Variants in BCL2L13 observed in about 807,000 individuals in gnomAD.
BCL2L13 encodes the protein BCL2 like 13.
BCL2L13 carries 13 observed loss-of-function variants against 25.8 expected under a neutral mutation model. The ratio of observed to expected loss-of-function variants is 0.50; its 90% confidence interval spans 0.33 to 0.80. BCL2L13 has a LOEUF of 0.80. Ranked by LOEUF, BCL2L13 falls within the 30% of genes least tolerant of loss-of-function variation. The pLI is 0.02. For missense variants in BCL2L13, 504 were observed against 574.9 expected (o/e 0.88, Z 1.26); for synonymous variants, 244 against 230.3 (o/e 1.06, Z -0.54).
At chr22:17,632,520 C>T (rs1057092152) in intron 1 of BCL2L13, among the ~76,000 whole-genome samples, 2 of 151,966 alleles carry the variant, frequency 1.3e-5, no homozygotes, top group African/African-American at 2.4e-5. Context: ...ACTATTCTAC[C>T]CTCTAGCATC....
chr22:17,636,537 C>G (rs2058109757), upstream of BCL2L13, among the ~76,000 whole-genome samples: 1 of 152,022 alleles, frequency 6.6e-6, no homozygotes, highest in South Asian at 2.1e-4. Context: ...CGACTGTAAT[C>G]CCAGCACTTT....
intron 2 of BCL2L13, among the ~76,000 whole-genome samples, chr22:17,678,783 A>T (rs1266752320): frequency 6.6e-6 from 1 of 152,194 alleles, no homozygotes; most frequent in Non-Finnish European, 1.5e-5. Flanking sequence ...TGCTGCGTAG[A>T]TGCTTCAGGA....
At chr22:17,666,491 A>AC (rs563204686) in intron 2 of BCL2L13, among the ~76,000 whole-genome samples, 215 of 151,682 alleles carry the variant, frequency 1.4e-3, no homozygotes, top group African/African-American at 5.1e-3. Flanking sequence ...CTGTCCCCAG[A>AC]CCCCCATTAC....
At chr22:17,638,751 G>T, upstream of BCL2L13, 2 of 1,231,714 alleles carry the variant, frequency 1.6e-6, no homozygotes, top group South Asian at 8.2e-5. Context: ...ACGCCGGGGT[G>T]ACCTCACCCT....
chr22:17,677,010 A>G (rs1454810087), intron 2 of BCL2L13, among the ~76,000 whole-genome samples: 2 of 152,242 alleles, frequency 1.3e-5, no homozygotes. Flanking sequence ...TAAGCAAAGT[A>G]TATGCTATTG....
chr22:17,696,527 G>C (rs1226286231), intron 5 of BCL2L13, among the ~76,000 whole-genome samples: 1 of 151,978 alleles, frequency 6.6e-6, no homozygotes, highest in African/African-American at 2.4e-5. Context: ...AGTGTGTCTT[G>C]GGGAAAAAGA....
chr22:17,662,531 A>AT (rs2059106586), intron 2 of BCL2L13, among the ~76,000 whole-genome samples: 1 of 152,104 alleles, frequency 6.6e-6, no homozygotes, highest in Admixed American at 6.6e-5. Context: ...TCATTAAAAT[A>AT]TAACGTCAGG....
chr22:17,710,855 C>T (rs894509386), intron 6 of BCL2L13, among the ~76,000 whole-genome samples: 23 of 150,368 alleles, frequency 1.5e-4, no homozygotes, highest in African/African-American at 1.7e-4. Flanking sequence ...CTAGGCTGGG[C>T]GACAGAGCGA....
intron 2 of BCL2L13, among the ~76,000 whole-genome samples, chr22:17,679,264 C>CTTTTTT (rs3044588): frequency 9.2e-5 from 7 of 76,132 alleles, no homozygotes; most frequent in African/African-American, 2.2e-4. Flanking sequence ...TGGTTTGGCT[C>CTTTTTT]TTTTTTTTTT....
chr22:17,722,679 T>A (rs1211689376), intron 6 of BCL2L13, among the ~76,000 whole-genome samples: 1 of 152,332 alleles, frequency 6.6e-6, no homozygotes, highest in East Asian at 1.9e-4. Flanking sequence ...TTGGCCTTTT[T>A]AAATTGCTAT....
At chr22:17,670,242 C>G (rs919908007) in intron 2 of BCL2L13, among the ~76,000 whole-genome samples, 1 of 152,010 alleles carries the variant, frequency 6.6e-6, no homozygotes, top group African/African-American at 2.4e-5. Flanking sequence ...TTTGACTATT[C>G]TGTGTCTCTT....
chr22:17,711,268 G>C (rs1337741999), intron 6 of BCL2L13, among the ~76,000 whole-genome samples: 2 of 145,880 alleles, frequency 1.4e-5, no homozygotes, highest in Non-Finnish European at 3.0e-5. Flanking sequence ...TTAATTTTCA[G>C]TTTGTTGACT....
intron 1 of BCL2L13, among the ~76,000 whole-genome samples, chr22:17,631,692 A>T (rs1272556477): frequency 1.7e-5 from 1 of 57,582 alleles, no homozygotes; most frequent in Non-Finnish European, 3.1e-5. Flanking sequence ...ATATATATAT[A>T]TATATATATA....
chr22:17,640,709 A>C (rs2058245293), intron 1 of BCL2L13, among the ~76,000 whole-genome samples: 1 of 150,628 alleles, frequency 6.6e-6, no homozygotes, highest in Non-Finnish European at 1.5e-5. Context: ...ATTAAAAAAA[A>C]AAAAAATTAG....
intron 6 of BCL2L13, chr22:17,706,564 C>A: frequency 1.4e-6 from 1 of 695,782 alleles, no homozygotes; most frequent in Non-Finnish European, 1.9e-6. Flanking sequence ...CACACTTTTA[C>A]AAATGCCAGG....
intron 6 of BCL2L13, among the ~76,000 whole-genome samples, chr22:17,719,199 CAA>C (rs1297587131): frequency 2.1e-5 from 3 of 145,656 alleles, no homozygotes; most frequent in Non-Finnish European, 4.6e-5. Context: ...TCTCACAATC[CAA>C]CATAAAAACA....
chr22:17,650,586 T>C (rs1410892986), intron 1 of BCL2L13, among the ~76,000 whole-genome samples: 1 of 152,170 alleles, frequency 6.6e-6, no homozygotes, highest in Non-Finnish European at 1.5e-5. Flanking sequence ...CTATAGTCTG[T>C]AGTCTAAAAA....
chr22:17,630,506 C>T (rs1252765943), intron 1 of BCL2L13, among the ~76,000 whole-genome samples: 3 of 151,650 alleles, frequency 2.0e-5, no homozygotes, highest in Admixed American at 2.0e-4. Context: ...TCTTGAACTG[C>T]TGACCTCGTG....
At chr22:17,670,840 C>T (rs1329697468) in intron 2 of BCL2L13, among the ~76,000 whole-genome samples, 2 of 152,212 alleles carry the variant, frequency 1.3e-5, no homozygotes, top group Non-Finnish European at 2.9e-5. Context: ...TGGAATTCTG[C>T]ATTCTTTTCC....
Sources: allele counts gnomAD v4.1 joint callset (sites outside exome capture counted in the v4.1 genomes callset), GRCh38; gene constraint gnomAD v4.1.1; transcripts MANE v1.5; gene names NCBI Gene and HGNC (gene_info 2026-07-23, HGNC 2026-07-21).